Variants in THSD7B observed in about 807,000 individuals in gnomAD.
The protein encoded by THSD7B is thrombospondin type 1 domain containing 7B, also known as thrombospondin type-1 domain-containing protein 7B.
THSD7B carries 138 observed loss-of-function variants against 213.6 expected under a neutral mutation model. The observed-to-expected ratio is 0.65, with a 90% confidence interval of 0.56 to 0.74. The LOEUF is 0.74. THSD7B is among the 30% of genes least tolerant of loss of function. The pLI, the probability that THSD7B is intolerant of heterozygous loss-of-function variation, is 0.00. For synonymous variants in THSD7B, 742 were observed against 687.0 expected (o/e 1.08, Z -1.25); for missense variants, 1,931 against 1,991.5 (o/e 0.97, Z 0.58).
At chr2:137,086,308 G>A (rs1475259777) in intron 3 of THSD7B, among the ~76,000 whole-genome samples, 4 of 151,952 alleles carry the variant, frequency 2.6e-5, no homozygotes, top group Non-Finnish European at 4.4e-5. Flanking sequence ...TTGCACCCTA[G>A]CCTGGGCAAC....
At chr2:137,231,340 G>C (rs1681635838) in intron 8 of THSD7B, 105 bp downstream of exon 8, 1 of 1,083,986 alleles carries the variant, frequency 9.2e-7, no homozygotes, top group Non-Finnish European at 1.3e-6. Context: ...GTCACACATA[G>C]ACGATATCTC....
intron 7 of THSD7B, among the ~76,000 whole-genome samples, chr2:137,174,553 A>G (rs1680323018): frequency 6.6e-6 from 1 of 152,212 alleles, no homozygotes; most frequent in Admixed American, 6.5e-5. Flanking sequence ...TCCTACAGCT[A>G]TCTCTGCTTT....
intron 3 of THSD7B, among the ~76,000 whole-genome samples, chr2:137,064,643 G>C (rs985750201): frequency 6.6e-6 from 1 of 151,912 alleles, no homozygotes; most frequent in African/African-American, 2.4e-5. Context: ...ATAGTTTGAG[G>C]TCTTGGGTTT....
At position 136,800,940 on chromosome 2, in the gene THSD7B, T is replaced by C. The variant is rs191462170; in HGVS notation, c.-36+35253T>C. Among the ~76,000 whole-genome samples, 6 of 152,194 alleles carry C rather than the reference T, an allele frequency of 3.9e-5. No individual in the cohort carries two copies. The East Asian group carries it at 1.2e-3, about 29-fold the overall frequency. On this transcript the variant is annotated intron_variant, in intron 1 of 27. Coordinates refer to ENST00000409968, the MANE Select transcript of THSD7B (RefSeq NM_001316349.2). ...TGAGCTTACCAAGTAAACTCTTAAC[T>C]CTTAACTTCCTTTACAACACACCCA...
At chr2:137,449,388 T>C (rs913309117) in intron 14 of THSD7B, among the ~76,000 whole-genome samples, 1 of 152,236 alleles carries the variant, frequency 6.6e-6, no homozygotes. Context: ...TACCACAGAC[T>C]TCACATCTCA....
intron 2 of THSD7B, among the ~76,000 whole-genome samples, chr2:136,966,811 C>G (rs558639832): frequency 6.6e-6 from 1 of 152,276 alleles, no homozygotes; most frequent in South Asian, 2.1e-4. Flanking sequence ...CCTAAAACAA[C>G]CTTTTTTCCT....
rs934571350 is a variant in THSD7B, at chr2:137,675,847, C to CAA, written c.4740-676_4740-675dup. ...TAAAGGTTACAAGCATTTATAAATA[C>CAA]AAGTTAAGATTTCCCCATACTAAGA... is the stretch of plus-strand genomic sequence containing the variant. On this transcript the variant is annotated intron_variant, in intron 27 of 27. Transcript: ENST00000409968. Among the ~76,000 whole-genome samples the CAA allele has an allele frequency of 1.8e-4, 28 of 152,220 alleles. 1 individual carries two copies. The highest frequency in any genetic ancestry group is 6.5e-4 in the African/African-American group (27 of 41,546).
At chr2:137,610,514 G>C (rs1299616663) in intron 17 of THSD7B, among the ~76,000 whole-genome samples, 42 of 152,138 alleles carry the variant, frequency 2.8e-4, no homozygotes, top group Admixed American at 2.8e-3. Flanking sequence ...TGATATGTGT[G>C]AGCCCATGGT....
At chr2:136,935,796 G>A (rs1293000062) in intron 2 of THSD7B, among the ~76,000 whole-genome samples, 2 of 151,656 alleles carry the variant, frequency 1.3e-5, no homozygotes, top group East Asian at 3.9e-4. Flanking sequence ...GTGAAGGGGG[G>A]ACAGTTGGGA....
At chr2:137,032,052 A>C (rs1406294709) in intron 2 of THSD7B, among the ~76,000 whole-genome samples, 1 of 151,792 alleles carries the variant, frequency 6.6e-6, no homozygotes, top group Non-Finnish European at 1.5e-5. Context: ...TGTTACCCAG[A>C]CTGGTCTCAA....
intron 1 of THSD7B, among the ~76,000 whole-genome samples, chr2:136,878,211 G>A (rs929484301): frequency 2.0e-5 from 3 of 152,070 alleles, no homozygotes; most frequent in African/African-American, 7.2e-5. Context: ...GAGAATGATG[G>A]TTTCCAGCTT....
At chr2:137,364,656 T>C (rs796941584) in intron 12 of THSD7B, among the ~76,000 whole-genome samples, 74 of 152,172 alleles carry the variant, frequency 4.9e-4, no homozygotes, top group African/African-American at 1.7e-3. Flanking sequence ...AGAAAGAGAA[T>C]AAAATCCCTA....
chr2:137,342,082 G>A (rs1197188226), intron 12 of THSD7B, among the ~76,000 whole-genome samples: 1 of 151,248 alleles, frequency 6.6e-6, no homozygotes, highest in East Asian at 1.9e-4. Context: ...GCATTGAATT[G>A]GTAGATTACT....
chr2:137,534,160 G>T lies in THSD7B; in HGVS notation c.3139-29061G>T, dbSNP rs147710765. Among the ~76,000 whole-genome samples, 3 of 151,144 alleles carry T rather than the reference G, an allele frequency of 2.0e-5. No homozygotes were observed. In the South Asian group the frequency reaches 6.3e-4, roughly 32 times the overall value. The stretch of plus-strand genomic sequence containing the variant: ...ATTTCCCCTTTTGCCTTTGATCTAG[G>T]TTTATTCTTTTAGTTTTAGTACCAT... On this transcript the variant is annotated intron_variant, in intron 15 of 27. Coordinates refer to ENST00000409968, the MANE Select transcript of THSD7B (RefSeq NM_001316349.2).
chr2:137,656,107 CA>C (rs1683231749), intron 22 of THSD7B, among the ~76,000 whole-genome samples: 1 of 152,050 alleles, frequency 6.6e-6, no homozygotes, highest in Non-Finnish European at 1.5e-5. Context: ...TGTGAAGTTC[CA>C]TATAAATGTG....
At chr2:137,340,542 G>T (rs1467789038) in intron 12 of THSD7B, among the ~76,000 whole-genome samples, 1 of 151,754 alleles carries the variant, frequency 6.6e-6, no homozygotes, top group East Asian at 1.9e-4. Flanking sequence ...TATTCCTTCT[G>T]TTTAACTGAG....
At chr2:136,953,701 T>C (rs545093175) in intron 2 of THSD7B, among the ~76,000 whole-genome samples, 240 of 152,296 alleles carry the variant, frequency 1.6e-3, no homozygotes, top group African/African-American at 5.7e-3. Flanking sequence ...AATAATCTTA[T>C]CAATCTTAAA....
chr2:137,446,476 C>A (rs894676414), intron 14 of THSD7B, among the ~76,000 whole-genome samples: 2 of 151,976 alleles, frequency 1.3e-5, no homozygotes, highest in Non-Finnish European at 2.9e-5. Context: ...GTTGTAACAT[C>A]GATAGGGATA....
chr2:137,675,442 A>ATATATATATG (rs1683678298), intron 27 of THSD7B, among the ~76,000 whole-genome samples: 1 of 105,118 alleles, frequency 9.5e-6, no homozygotes, highest in African/African-American at 3.5e-5. Context: ...ATATATATAT[A>ATATATATATG]TATATGCGGA....
Sources: gnomAD v4.1 joint callset for allele counts (sites outside exome capture counted in the v4.1 genomes callset) on GRCh38, gnomAD v4.1.1 for gene constraint, MANE v1.5 for transcripts, NCBI Gene and HGNC (gene_info 2026-07-23, HGNC 2026-07-21) for gene names.